The following FLCN variants were observed in gnomAD, a reference collection of about 807,000 sequenced individuals.
FLCN encodes folliculin.
In FLCN, 22 loss-of-function variants were observed where a neutral mutation model predicts 62.5. That is an observed-to-expected ratio of 0.35 (90% CI 0.25 to 0.50). The LOEUF (loss-of-function observed/expected upper bound fraction) is 0.50, where lower values mean the gene tolerates loss of function less well. Ranked by LOEUF, FLCN falls within the 20% of genes least tolerant of loss-of-function variation. The pLI, the probability that FLCN is intolerant of heterozygous loss-of-function variation, is 0.97. For synonymous variants in FLCN, 319 were observed against 310.0 expected (o/e 1.03, Z -0.30); for missense variants, 657 against 778.0 (o/e 0.84, Z 1.85).
Position 17,216,592 on chromosome 17 carries a change from T to TC in FLCN, c.1177-90dup. On this transcript the variant is annotated intron_variant, in intron 10 of 13. Coordinates refer to ENST00000285071, the MANE Select transcript of FLCN (RefSeq NM_144997.7). The surrounding 1 kb of genome is among the most constrained non-coding windows in gnomAD (Gnocchi z 4.0). ...CTCTACTACCCAAACCCCACACGCCTCCTGCAGCCCGGTCCAAGCCCTCCC... is the reference window on the plus strand; with the variant it reads ...CTCTACTACCCAAACCCCACACGCCTCCCTGCAGCCCGGTCCAAGCCCTCCC... The TC allele has an allele frequency of 6.3e-7, 1 of 1,579,520 alleles. No individual in the cohort carries two copies. The highest frequency in any genetic ancestry group is 1.7e-4 in the Middle Eastern group (1 of 6,024).
chr17:17,223,598 G>A (rs1032203715), intron 6 of FLCN, among the ~76,000 whole-genome samples: 10 of 152,208 alleles, frequency 6.6e-5, no homozygotes, highest in African/African-American at 2.2e-4. Context: ...TACATTCGGT[G>A]GTGCAACTCA....
At chr17:17,223,730 A>C (rs1409544677) in intron 6 of FLCN, among the ~76,000 whole-genome samples, 192 bp downstream of exon 6, 1 of 152,256 alleles carries the variant, frequency 6.6e-6, no homozygotes, top group African/African-American at 2.4e-5. Context: ...AGAGACCAGC[A>C]AAGCAGGCGG....
intron 3 of FLCN, 132 bp from the exon 4 acceptor site, chr17:17,228,293 C>T (rs2047321343): frequency 1.8e-6 from 2 of 1,111,192 alleles, no homozygotes; most frequent in Non-Finnish European, 2.5e-6. Context: ...CCGCCAGTTC[C>T]CCAGCCCCCT....
chr17:17,220,160 C>G (rs926938678), intron 8 of FLCN: 1 of 152,320 alleles, frequency 6.6e-6, no homozygotes, highest in Non-Finnish European at 1.5e-5. Flanking sequence ...ATCCTCCCAA[C>G]GAAGCCTTCC....
rs1453815291 is a variant in FLCN at position 17,216,277 on chromosome 17, C to G, written c.1300+103G>C. On this transcript the variant is annotated intron_variant, in intron 11 of 13. Coordinates refer to ENST00000285071, the MANE Select transcript of FLCN (RefSeq NM_144997.7). The surrounding 1 kb of genome is among the most constrained non-coding windows in gnomAD (Gnocchi z 4.0). ...GGGGGAAGCTGGCCCTGCAATGAGG[C>G]CTCCTCTCCACAACCCATGACAGAG... 1 of 1,528,948 alleles carries G rather than the reference C, an allele frequency of 6.5e-7. No individual in the cohort carries two copies. Among genetic ancestry groups the G allele is most frequent in the African/African-American group, 1.4e-5 (1 of 73,406 alleles). The allele number at this position is 1,528,948 out of a possible 1,614,324, so 94.7% of individuals were successfully genotyped here.
Position 17,221,521 on chromosome 17 carries a change from A to T in FLCN, c.871+16T>A, listed in dbSNP as rs116643153. The T allele has an allele frequency of 2.8e-4, 456 of 1,613,688 alleles. 1 individual carries two copies. The African/African-American group carries it at 5.1e-3, about 18-fold the overall frequency. The stretch of plus-strand genomic sequence containing the variant: ...CCATCCGGGCCAAGGCCCCGGCAAC[A>T]GCACCCCTGCCTCACCAGCGAGCTT... On this transcript the variant is annotated intron_variant, in intron 8 of 13. Coordinates refer to ENST00000285071, the MANE Select transcript of FLCN (RefSeq NM_144997.7).
chr17:17,227,828 C>T lies in FLCN; in HGVS notation c.249+61G>A, dbSNP rs751067352. On this transcript the variant is annotated intron_variant, in intron 4 of 13. Coordinates refer to ENST00000285071, the MANE Select transcript of FLCN (RefSeq NM_144997.7). ...GAGGCCCCGTCCACTGCTCTCAGGT[C>T]CTCCTGTCCATCCCACACCTACTGC... 4.3e-6 allele frequency: 7 copies of T among 1,612,830 alleles called. No individual in the cohort carries two copies. In the East Asian group the frequency reaches 1.3e-4, roughly 31 times the overall value.
At chr17:17,218,589 C>T (rs2046992898) in intron 9 of FLCN, among the ~76,000 whole-genome samples, 2 of 152,044 alleles carry the variant, frequency 1.3e-5, no homozygotes, top group Admixed American at 6.5e-5. Flanking sequence ...ACCATGTTGG[C>T]CAGGCTGGTC....
rs1597606955 is a variant in FLCN at position 17,224,040 on chromosome 17, T to C, written c.500A>G (p.Gln167Arg). ...GATGGTGATGATGCTGTACCAGCGC[T>C]GGAAGCCCCTGGCCAGGCTGTCCTT... is the stretch of plus-strand genomic sequence containing the variant. ...FIKDSLARGF[Q>R]RWYSIITIMM... is the part of the protein sequence containing the mutation. The change falls in exon 6 of 14, where the codon CAG becomes CGG. Residue 167 changes from glutamine (Q) to arginine (R), a missense_variant. Transcript: ENST00000285071. The C allele has an allele frequency of 6.2e-7, 1 of 1,613,886 alleles. No homozygotes were observed. Among genetic ancestry groups the C allele is most frequent in the East Asian group, 2.2e-5 (1 of 44,886 alleles).
chr17:17,215,829 G>A (rs1232880650), intron 11 of FLCN, among the ~76,000 whole-genome samples: 9 of 152,162 alleles, frequency 5.9e-5, no homozygotes, highest in African/African-American at 1.4e-4. Flanking sequence ...GCTGGTCACC[G>A]CTGTGCTGGG....
In FLCN at chr17:17,213,554, C is replaced by A; in HGVS notation, c.*101G>T. 6.6e-7 allele frequency: 1 copy of A among 1,504,570 alleles called. No individual in the cohort carries two copies. The highest frequency in any genetic ancestry group is 9.2e-7 in the Non-Finnish European group (1 of 1,086,442). The allele number at this position is 1,504,570 out of a possible 1,614,324, so 93.2% of individuals were successfully genotyped here. ...GTTTCCCTTCCTTGCTGGGACACAG[C>A]TCCTTCCAGCAGTTGAGAAACTCAA... On this transcript the variant is annotated 3_prime_UTR_variant, in exon 14 of 14. Coordinates refer to ENST00000285071, the MANE Select transcript of FLCN (RefSeq NM_144997.7).
At chr17:17,224,326 CCAA>C (rs1030923766) in intron 5 of FLCN, 183 bp from the exon 6 acceptor site, 6 of 633,370 alleles carry the variant, frequency 9.5e-6, no homozygotes, top group Admixed American at 2.5e-5. Context: ...GATCAAGCTT[CCAA>C]CAACACTTGT....
intron 6 of FLCN, chr17:17,222,905 G>A: frequency 3.7e-6 from 2 of 539,814 alleles, no homozygotes; most frequent in East Asian, 3.5e-5. Flanking sequence ...CCTTCCTAAT[G>A]AGTGACCCAA....
rs41442248 is a variant in FLCN at position 17,214,864 on chromosome 17, G to A, written c.1538+121C>T. ...GTGGCGGACGTGGAGTTGGAACCCC[G>A]CCCCCAACCTCTTCTCTCGGCTCCT... is the stretch of plus-strand genomic sequence containing the variant. On this transcript the variant is annotated intron_variant, in intron 13 of 13. Transcript: ENST00000285071. 26,768 of 1,072,898 alleles carry A rather than the reference G, an allele frequency of 0.025. 461 individuals carry two copies. Among genetic ancestry groups the A allele is most frequent in the Middle Eastern group, 0.036 (123 of 3,398 alleles). 66.5% of individuals were successfully genotyped at this position (1,072,898 alleles called of 1,614,324 possible).
At chr17:17,221,665 A>C in intron 7 of FLCN, 37 bp from the exon 8 acceptor site, 2 of 1,595,562 alleles carry the variant, frequency 1.3e-6, no homozygotes, top group Non-Finnish European at 1.7e-6. Flanking sequence ...CGTTCTCGCC[A>C]AAGGAAAAAG....
rs1131690833 is a variant in FLCN at position 17,213,738 on chromosome 17, A to G, written c.1657T>C (p.Trp553Arg). 1 of 1,614,244 alleles carries G rather than the reference A, an allele frequency of 6.2e-7. No individual in the cohort carries two copies. The highest frequency in any genetic ancestry group is 2.2e-5 in the East Asian group (1 of 44,892). The stretch of plus-strand genomic sequence containing the variant: ...TAGGTCTTGCTCAGGCCAGTCATCC[A>G]GAACTTCAGCAGCTTGACATTGTCC... The part of the protein sequence containing the change: ...EEDNVKLLKF[W>R]MTGLSKTYKS... Residue 553 changes from tryptophan to arginine, a missense_variant, in exon 14 of 14, where the codon TGG becomes CGG. Physicochemically the swap from Trp to Arg is moderately radical, Grantham distance 101. Coordinates refer to ENST00000285071, the MANE Select transcript of FLCN (RefSeq NM_144997.7).
At chr17:17,217,003 C>A (rs2046945422) in intron 10 of FLCN, 66 bp downstream of exon 10, 2 of 1,196,274 alleles carry the variant, frequency 1.7e-6, no homozygotes, top group Non-Finnish European at 2.5e-6. Context: ...TTGGCATCCC[C>A]ACCTGACGCC....
At position 17,217,179 on chromosome 17, in the gene FLCN, G is replaced by C. The variant is rs757313788; in HGVS notation, c.1066C>G (p.Leu356Val). ...FKSLRHMRQV[L>V]GAPSFRMLAW... ...AGCATGCGGAAAGAAGGGGCACCCA[G>C]GACCTAAACAAGAGAGTGCAGTGCT... is the stretch of plus-strand genomic sequence containing the variant. Residue 356 changes from leucine (L) to valine (V), a missense_variant, in exon 10 of 14, where the codon CTG becomes GTG. By Grantham distance (32) the Leu-to-Val change is conservative (BLOSUM62 1). Transcript: ENST00000285071. 21 of 1,610,372 alleles carry C rather than the reference G, an allele frequency of 1.3e-5. No individual in the cohort carries two copies. The highest frequency in any genetic ancestry group is 1.7e-5 in the Admixed American group (1 of 59,980).
At chr17:17,232,183 G>A (rs919014657) in intron 2 of FLCN, among the ~76,000 whole-genome samples, 6 of 152,180 alleles carry the variant, frequency 3.9e-5, no homozygotes, top group East Asian at 1.9e-4. Context: ...TCCACACACC[G>A]TCACCTGGCT....
Sources: gnomAD v4.1 joint callset for allele counts (sites outside exome capture counted in the v4.1 genomes callset) on GRCh38, gnomAD v4.1.1 for gene constraint, Gnocchi (gnomAD v3.1) non-coding constraint, MANE v1.5 for transcripts, NCBI Gene and HGNC (gene_info 2026-07-23, HGNC 2026-07-21) for gene names.